The following RORA variants were observed in gnomAD, a reference collection of about 807,000 sequenced individuals.
The protein encoded by RORA is nuclear receptor ROR-alpha.
Under a neutral mutation model 69.5 loss-of-function variants are expected in RORA, and 7 were observed. The ratio of observed to expected loss-of-function variants is 0.10; its 90% confidence interval spans 0.06 to 0.19. The LOEUF (loss-of-function observed/expected upper bound fraction) is 0.19, where lower values mean the gene tolerates loss of function less well. Ranked by LOEUF, RORA falls within the 10% of genes least tolerant of loss-of-function variation. The pLI is 1.00. For synonymous variants in RORA, 261 were observed against 240.8 expected, an observed-to-expected ratio of 1.08 and a Z score of -0.78; for missense variants, 457 against 663.0, an observed-to-expected ratio of 0.69 and a Z score of 3.41.
At chr15:61,017,275 T>G (rs147414918) in intron 1 of RORA, among the ~76,000 whole-genome samples, 1 of 152,334 alleles carries the variant, frequency 6.6e-6, no homozygotes, top group East Asian at 1.9e-4. Flanking sequence ...TTCACATGCT[T>G]ATTCAAAATA....
intron 1 of RORA, among the ~76,000 whole-genome samples, chr15:61,070,292 T>C (rs2078322406): frequency 6.6e-6 from 1 of 152,186 alleles, no homozygotes; most frequent in Non-Finnish European, 1.5e-5. Context: ...CATGGGATCC[T>C]AGATACCTGG....
chr15:61,086,768 C>G (rs921019050), intron 1 of RORA, among the ~76,000 whole-genome samples: 1 of 151,938 alleles, frequency 6.6e-6, no homozygotes, highest in Non-Finnish European at 1.5e-5. Flanking sequence ...AACTATGGCC[C>G]ACTGCCTATT....
intron 1 of RORA, among the ~76,000 whole-genome samples, chr15:61,154,525 C>T (rs1051219113): frequency 3.9e-5 from 6 of 152,160 alleles, no homozygotes; most frequent in African/African-American, 1.4e-4. Flanking sequence ...GATTCTCAGT[C>T]ACAGACAGGT....
chr15:60,597,595 CACATAT>C (rs1364632157), intron 2 of RORA, among the ~76,000 whole-genome samples: 5 of 30,418 alleles, frequency 1.6e-4, no homozygotes, highest in African/African-American at 6.5e-4. Flanking sequence ...TATATATATA[CACATAT>C]ATATATATAT....
chr15:60,907,254 G>T (rs1362897133), intron 1 of RORA, among the ~76,000 whole-genome samples: 1 of 152,176 alleles, frequency 6.6e-6, no homozygotes, highest in Admixed American at 6.5e-5. Flanking sequence ...GAAGAGGCTT[G>T]GAGGCAAGAT....
chr15:60,792,307 C>A (rs2072429173), intron 1 of RORA, among the ~76,000 whole-genome samples: 1 of 152,062 alleles, frequency 6.6e-6, no homozygotes. Context: ...GTGACTTGAG[C>A]ATTATAAACC....
intron 1 of RORA, among the ~76,000 whole-genome samples, chr15:60,690,008 C>T (rs1408040691): frequency 6.6e-6 from 1 of 152,184 alleles, no homozygotes; most frequent in Non-Finnish European, 1.5e-5. Flanking sequence ...TGGCGTAAAA[C>T]AATTTCTGTT....
chr15:61,193,472 T>G (rs991236315), intron 1 of RORA, among the ~76,000 whole-genome samples: 1 of 152,170 alleles, frequency 6.6e-6, no homozygotes, highest in East Asian at 1.9e-4. Flanking sequence ...GTAGAGGAAC[T>G]GCCTGTGAAT....
rs147927817 is a variant in RORA at position 60,868,120 on chromosome 15, C to T, written c.167-189434G>A. On this transcript the variant is annotated intron_variant, in intron 1 of 10. Coordinates refer to ENST00000335670, the MANE Select transcript of RORA (RefSeq NM_134261.3). ...ATTTGTTTAAATCTAAAATGCCTAG[C>T]ATGGTGCCAGAATTTTAGCAGTTAA... 4.9e-3 allele frequency among the ~76,000 whole-genome samples: 744 copies of T among 152,252 alleles called. 5 individuals carry two copies. Among genetic ancestry groups the T allele is most frequent in the African/African-American group, 0.015 (617 of 41,548 alleles).
chr15:60,796,378 C>A (rs940139203), intron 1 of RORA, among the ~76,000 whole-genome samples: 3 of 152,148 alleles, frequency 2.0e-5, no homozygotes, highest in African/African-American at 7.2e-5. Flanking sequence ...TGGGCCAGCC[C>A]ATGGCAGTGA....
chr15:60,661,065 A>T (rs2070296132), intron 2 of RORA, among the ~76,000 whole-genome samples: 1 of 143,170 alleles, frequency 7.0e-6, no homozygotes, highest in Non-Finnish European at 1.5e-5. Flanking sequence ...TGGCAAAAAA[A>T]AAAAATAGAG....
At chr15:60,594,884 A>G (rs2068632504) in intron 2 of RORA, among the ~76,000 whole-genome samples, 1 of 152,260 alleles carries the variant, frequency 6.6e-6, no homozygotes, top group African/African-American at 2.4e-5. Context: ...TGAGCAACAG[A>G]ATTTCAGATA....
intron 1 of RORA, among the ~76,000 whole-genome samples, chr15:60,902,533 C>T (rs2128168): frequency 0.024 from 3,588 of 152,280 alleles, 124 homozygotes; most frequent in African/African-American, 0.071. Flanking sequence ...AGAAGCAGCA[C>T]GGCTTGCCTC....
rs35859710 is a variant in RORA at position 61,117,178 on chromosome 15, C to CTTTTTTTTTTT, written c.166+111864_166+111874dup. On this transcript the variant is annotated intron_variant, in intron 1 of 10. Coordinates refer to ENST00000335670, the MANE Select transcript of RORA (RefSeq NM_134261.3). Reference sequence around the variant, plus strand: ...AAAAGCAGCTGGATGTTAAAAGTTACTTTTTTTTTTTTTTTTAACATAAAC... The same window carrying CTTTTTTTTTTT: ...AAAAGCAGCTGGATGTTAAAAGTTACTTTTTTTTTTTTTTTTTTTTTTTTTTTAACATAAAC... Among the ~76,000 whole-genome samples the CTTTTTTTTTTT allele has an allele frequency of 1.4e-5, 2 of 138,402 alleles. 1 individual carries two copies. 90.8% of individuals were successfully genotyped at this position (138,402 alleles called of 152,430 possible). A position where few individuals can be genotyped will look rare whatever the true frequency, so the allele number is the denominator to read the frequency against.
intron 2 of RORA, chr15:60,614,765 A>G: frequency 1.3e-6 from 1 of 745,688 alleles, no homozygotes; most frequent in Non-Finnish European, 2.1e-6. Flanking sequence ...TTCTCAAGAA[A>G]TAGGATACTT....
chr15:60,887,667 A>G (rs1443509661), intron 1 of RORA, among the ~76,000 whole-genome samples: 1 of 152,180 alleles, frequency 6.6e-6, no homozygotes, highest in Non-Finnish European at 1.5e-5. Context: ...AATGGAGGGA[A>G]GGGGTTTTTA....
rs10519052 is a variant in RORA at position 60,531,218 on chromosome 15, T to C, written c.282+548A>G. 15,202 of 153,200 alleles carry C rather than the reference T, an allele frequency of 0.099. 888 individuals are homozygous for C. Among genetic ancestry groups the C allele is most frequent in the Middle Eastern group, 0.19 (58 of 300 alleles). 9.5% of individuals were successfully genotyped at this position (153,200 alleles called of 1,614,324 possible). On this transcript the variant is annotated intron_variant, in intron 3 of 10. Coordinates refer to ENST00000335670, the MANE Select transcript of RORA (RefSeq NM_134261.3). The surrounding 1 kb of genome is among the most constrained non-coding windows in gnomAD (Gnocchi z 4.8). ...TCCTAACCAGTAGAAAGATCAGGTG[T>C]TATACCCACTTTAAAAATGAAGCAA...
chr15:60,763,864 GC>G, intron 1 of RORA: 1 of 151,740 alleles, frequency 6.6e-6, no homozygotes, highest in African/African-American at 2.4e-5. Context: ...CTCCCCCGCC[GC>G]CCCCCTCCCC....
intron 1 of RORA, among the ~76,000 whole-genome samples, chr15:60,957,735 G>C (rs774485392): frequency 1.2e-4 from 19 of 152,180 alleles, no homozygotes; most frequent in Non-Finnish European, 2.2e-4. Flanking sequence ...TAGAGAAAGG[G>C]GGGACAGTAT....
Sources: gnomAD v4.1 joint callset for allele counts (sites outside exome capture counted in the v4.1 genomes callset) on GRCh38, gnomAD v4.1.1 for gene constraint, Gnocchi (gnomAD v3.1) non-coding constraint, MANE v1.5 for transcripts, NCBI Gene and HGNC (gene_info 2026-07-23, HGNC 2026-07-21) for gene names.